The following PLEKHD1 variants were observed in gnomAD, a reference collection of about 807,000 sequenced individuals.
The protein encoded by PLEKHD1 is pleckstrin homology and coiled-coil domain containing D1.
In PLEKHD1, 51 loss-of-function variants were observed where a neutral mutation model predicts 69.2. The ratio of observed to expected loss-of-function variants is 0.74; its 90% CI spans 0.59 to 0.93. The LOEUF is 0.93. Among genes scored for constraint, PLEKHD1 ranks in the 40% least tolerant of loss-of-function variants. The probability of loss-of-function intolerance (pLI) is 0.00; values close to 1 mark genes in which losing one functional copy is unlikely to be tolerated. For synonymous variants in PLEKHD1, 236 were observed against 244.7 expected, an observed-to-expected ratio of 0.96 and a Z score of 0.33; for missense variants, 584 against 641.0, an observed-to-expected ratio of 0.91 and a Z score of 0.96.
intron 1 of PLEKHD1, among the ~76,000 whole-genome samples, chr14:69,497,708 A>C (rs885802): frequency 0.41 from 62,316 of 152,110 alleles, 13,078 homozygotes; most frequent in African/African-American, 0.48. Context: ...GAGAGGTGGG[A>C]AGAGGTCAGG....
chr14:69,485,134 C>T lies in PLEKHD1; in HGVS notation c.149+20C>T, dbSNP rs2139488042. On this transcript the variant is annotated intron_variant, in intron 1 of 12. Transcript: ENST00000322564. ...CCGGCGGTGAGTGCGCCCCCGCGCC[C>T]CAAGGAGACCGCCGGGGAGAGAGCC... is the stretch of plus-strand genomic sequence containing the variant. 1 of 1,543,778 alleles carries T rather than the reference C, an allele frequency of 6.5e-7. No individual in the cohort carries two copies. The highest frequency in any genetic ancestry group is 8.7e-7 in the Non-Finnish European group (1 of 1,142,916).
chr14:69,527,993 G>T, intron 12 of PLEKHD1, 61 bp downstream of exon 12: 1 of 1,547,084 alleles, frequency 6.5e-7, no homozygotes, highest in South Asian at 1.2e-5. Context: ...AGGGCAACAT[G>T]GGGAGCCAGA....
At chr14:69,526,216 A>G (rs1883645195) in intron 9 of PLEKHD1, 94 bp downstream of exon 9, 3 of 1,313,130 alleles carry the variant, frequency 2.3e-6, no homozygotes. Context: ...TCTACTTGGC[A>G]CTGACCAAGT....
intron 6 of PLEKHD1, among the ~76,000 whole-genome samples, chr14:69,521,845 G>A (rs993106148): frequency 1.5e-4 from 23 of 152,248 alleles, no homozygotes; most frequent in Middle Eastern, 3.4e-3. Context: ...GTTGGGAATA[G>A]CTTTTCCTTG....
the PLEKHD1 span, among the ~76,000 whole-genome samples, chr14:69,469,752 C>T: frequency 1.3e-5 from 2 of 152,000 alleles, no homozygotes; most frequent in Non-Finnish European, 1.5e-5. Context: ...GACGGAGTCT[C>T]ACTCTGTTGC....
intron 1 of PLEKHD1, among the ~76,000 whole-genome samples, chr14:69,487,508 G>A (rs892521976): frequency 2.5e-4 from 38 of 152,204 alleles, no homozygotes; most frequent in Admixed American, 6.5e-4. Context: ...CACTGCATTA[G>A]TAAAGAATAA....
chr14:69,522,300 C>T lies in PLEKHD1; in HGVS notation c.573C>T (p.Asn191=). 6.4e-7 allele frequency: 1 copy of T among 1,551,480 alleles called. No homozygotes were observed. Among genetic ancestry groups the T allele is most frequent in the Non-Finnish European group, 8.7e-7 (1 of 1,146,886 alleles). The change falls in exon 7 of 13, where the codon AAC becomes AAT. Residue 191 remains asparagine, a synonymous_variant. Coordinates refer to ENST00000322564, the MANE Select transcript of PLEKHD1 (RefSeq NM_001161498.2). The stretch of plus-strand genomic sequence containing the variant: ...CTCTTCAGGAGCTTGAGCGCCTTAA[C>T]CAGGTGCTGGAGGCCGAGAAGCAGC... The part of the protein sequence containing the change: ...REQREELERL[N]QVLEAEKQQF...
At chr14:69,517,381 T>C (rs1407461254) in intron 6 of PLEKHD1, among the ~76,000 whole-genome samples, 2 of 151,674 alleles carry the variant, frequency 1.3e-5, no homozygotes, top group Admixed American at 1.3e-4. Context: ...AACAGTTGGA[T>C]ATAAGAGGAT....
At chr14:69,486,582 C>A (rs554253021) in intron 1 of PLEKHD1, among the ~76,000 whole-genome samples, 4 of 152,298 alleles carry the variant, frequency 2.6e-5, no homozygotes, top group African/African-American at 7.2e-5. Flanking sequence ...TATCTCCCCC[C>A]ACCACCCATC....
chr14:69,503,646 G>C (rs1328717465), intron 6 of PLEKHD1: 1 of 142,590 alleles, frequency 7.0e-6, no homozygotes, highest in South Asian at 2.2e-4. Flanking sequence ...AGCCGAGATC[G>C]CGCCACTGCA....
At position 69,530,960 on chromosome 14, in the gene PLEKHD1, A is replaced by G. The variant is rs1352966169; in HGVS notation, c.*2541A>G. The G allele has an allele frequency of 6.6e-6, 1 of 152,168 alleles. No individual in the cohort carries two copies. The highest frequency in any genetic ancestry group is 1.5e-5 in the Non-Finnish European group (1 of 68,066). The allele number at this position is 152,168 out of a possible 1,614,324, so 9.4% of individuals were successfully genotyped here. On this transcript the variant is annotated 3_prime_UTR_variant, in exon 13 of 13. Transcript: ENST00000322564. ...AATATGGCGAAACCCCACCTGTACTAAAAATACAAAAATTAGCTGGGCGTG... is the reference window on the plus strand; with the variant it reads ...AATATGGCGAAACCCCACCTGTACTGAAAATACAAAAATTAGCTGGGCGTG...
intron 6 of PLEKHD1, among the ~76,000 whole-genome samples, chr14:69,518,628 T>C (rs1883440345): frequency 6.6e-6 from 1 of 152,158 alleles, no homozygotes; most frequent in Non-Finnish European, 1.5e-5. Context: ...ATACAATTAG[T>C]TTTACTGAGG....
At chr14:69,509,736 G>A (rs572291319) in intron 6 of PLEKHD1, among the ~76,000 whole-genome samples, 3 of 152,130 alleles carry the variant, frequency 2.0e-5, no homozygotes, top group Non-Finnish European at 2.9e-5. Context: ...TCAGGAGTTC[G>A]AAACCAGCCT....
Position 69,484,740 on chromosome 14 carries a change from C to G in PLEKHD1, c.-226C>G, listed in dbSNP as rs971561695. On this transcript the variant is annotated 5_prime_UTR_variant, in exon 1 of 13. Transcript: ENST00000322564. Reference sequence around the variant, plus strand: ...CCACCCTCCCCGCGGAGTTCCCGCCCGGCCCTCTGCAATCCGGAGCCCAAG... The same window carrying G: ...CCACCCTCCCCGCGGAGTTCCCGCCGGGCCCTCTGCAATCCGGAGCCCAAG... 1 of 498,244 alleles carries G rather than the reference C, an allele frequency of 2.0e-6. No individual in the cohort carries two copies. Among genetic ancestry groups the G allele is most frequent in the African/African-American group, 2.0e-5 (1 of 48,932 alleles). 30.9% of individuals were successfully genotyped at this position (498,244 alleles called of 1,614,324 possible). A position where few individuals can be genotyped will look rare whatever the true frequency, so the allele number is the denominator to read the frequency against.
At chr14:69,484,380 A>G (rs1037723758), upstream of PLEKHD1, among the ~76,000 whole-genome samples, 5 of 152,152 alleles carry the variant, frequency 3.3e-5, no homozygotes, top group Non-Finnish European at 7.4e-5. Flanking sequence ...AGGTGTCTGC[A>G]GGAGTGCCTC....
chr14:69,501,871 C>G lies in PLEKHD1; in HGVS notation c.502+46C>G, dbSNP rs919805510. On this transcript the variant is annotated intron_variant, in intron 5 of 12. Transcript: ENST00000322564. ...CCTAATGGTAGCAGCACTTGGGGAC[C>G]AGGGGCTATAGCCAGGGGCTTGGTA... 5 of 1,468,164 alleles carry G rather than the reference C, an allele frequency of 3.4e-6. No homozygotes were observed. In the African/African-American group the frequency reaches 7.0e-5, roughly 21 times the overall value. The allele number at this position is 1,468,164 out of a possible 1,614,324, so 90.9% of individuals were successfully genotyped here.
intron 6 of PLEKHD1, among the ~76,000 whole-genome samples, chr14:69,510,647 T>A (rs1198710873): frequency 6.6e-6 from 1 of 152,242 alleles, no homozygotes; most frequent in Non-Finnish European, 1.5e-5. Flanking sequence ...CCAGGAATTT[T>A]TTTGGTCAAT....
chr14:69,501,232 C>T (rs1883018397), intron 4 of PLEKHD1: 4 of 508,776 alleles, frequency 7.9e-6, no homozygotes, highest in Non-Finnish European at 1.4e-5. Flanking sequence ...ATCTCACCTC[C>T]CCAGGCCCAT....
At chr14:69,470,508 T>C in the PLEKHD1 span, among the ~76,000 whole-genome samples, 10 of 151,608 alleles carry the variant, frequency 6.6e-5, no homozygotes, top group Non-Finnish European at 1.2e-4. Flanking sequence ...CACGTCTGTC[T>C]GACTCTAAAG....
Sources: allele counts gnomAD v4.1 joint callset (sites outside exome capture counted in the v4.1 genomes callset), GRCh38; gene constraint gnomAD v4.1.1; transcripts MANE v1.5; gene names NCBI Gene and HGNC (gene_info 2026-07-23, HGNC 2026-07-21).